ADPGK: variants seen among roughly 807,000 people sequenced by gnomAD.
The protein encoded by ADPGK is ADP-dependent glucokinase.
In ADPGK, 26 loss-of-function variants were observed where a neutral mutation model predicts 42.4. The ratio of observed to expected loss-of-function variants is 0.61; its 90% CI spans 0.45 to 0.85. The LOEUF is 0.85. Ranked by LOEUF, ADPGK falls within the 40% of genes least tolerant of loss-of-function variation. The pLI is 0.00. For missense variants in ADPGK, 571 were observed against 627.0 expected (o/e 0.91, Z 0.95); for synonymous variants, 267 against 252.6 (o/e 1.06, Z -0.54).
At chr15:72,768,037 C>G (rs1340220616) in intron 3 of ADPGK, among the ~76,000 whole-genome samples, 3 of 151,446 alleles carry the variant, frequency 2.0e-5, no homozygotes, top group African/African-American at 7.3e-5. Context: ...CCAAGCTGAT[C>G]AGGAAAAAAA....
intron 3 of ADPGK, among the ~76,000 whole-genome samples, chr15:72,766,838 T>C (rs965135697): frequency 2.0e-5 from 3 of 151,700 alleles, no homozygotes; most frequent in African/African-American, 4.8e-5. Flanking sequence ...AATGAAATCA[T>C]AGAAAATAAT....
chr15:72,767,865 T>C (rs2066279349), intron 3 of ADPGK, among the ~76,000 whole-genome samples: 1 of 151,906 alleles, frequency 6.6e-6, no homozygotes, highest in Non-Finnish European at 1.5e-5. Context: ...ACAGGAAAGG[T>C]CTCAAATCAA....
At chr15:72,765,330 G>A (rs12439473) in intron 3 of ADPGK, among the ~76,000 whole-genome samples, 27,258 of 151,902 alleles carry the variant, frequency 0.18, 2,782 homozygotes, top group African/African-American at 0.28. Context: ...TGTATTTTTA[G>A]TAGAGACGGG....
rs571644327 is a variant in ADPGK at position 72,760,482 on chromosome 15, C to G, written c.568G>C (p.Asp190His). 1 of 1,610,354 alleles carries G rather than the reference C, an allele frequency of 6.2e-7. No homozygotes were observed. The highest frequency in any genetic ancestry group is 2.2e-5 in the East Asian group (1 of 44,668). ...PVGPKLHELL[D>H]DNVFVPPESL... ...TCTGGTGGAACAAAGACATTGTCAT[C>G]AAGAAGCTCATGTAGCTTTGGACCA... Residue 190 changes from aspartate (D) to histidine (H), a missense_variant, in exon 4 of 7, where the codon GAT (aspartate) becomes CAT (histidine). Asp to His is a moderately conservative substitution (Grantham distance 81). Coordinates refer to ENST00000456471, the MANE Select transcript of ADPGK (RefSeq NM_001365225.1).
At chr15:72,764,488 A>G (rs149262776) in intron 3 of ADPGK, among the ~76,000 whole-genome samples, 61 of 152,308 alleles carry the variant, frequency 4.0e-4, no homozygotes, top group African/African-American at 1.4e-3. Context: ...TGCAAAAGAA[A>G]AGTCAGAAGC....
Position 72,752,336 on chromosome 15 carries a change from T to C in ADPGK, c.*5A>G. The C allele has an allele frequency of 6.3e-7, 1 of 1,592,890 alleles. No individual in the cohort carries two copies. Among genetic ancestry groups the C allele is most frequent in the Non-Finnish European group, 8.6e-7 (1 of 1,166,112 alleles). The stretch of plus-strand genomic sequence containing the variant: ...TCCTCAGAAAAATTACCCCTAAGAA[T>C]CTTCCTAATAGTGAGGGTGTACTTC... On this transcript the variant is annotated 3_prime_UTR_variant, in exon 7 of 7. Transcript: ENST00000456471.
Position 72,774,948 on chromosome 15 carries a change from GCTGCTCC to G in ADPGK, c.376_382del (p.Gly126LeufsTer29), listed in dbSNP as rs1156717115. 6.2e-7 allele frequency: 1 copy of G among 1,614,202 alleles called. No homozygotes were observed. Among genetic ancestry groups the G allele is most frequent in the Admixed American group, 1.7e-5 (1 of 60,026 alleles). ...CTTATCACTGAAGAAGCGCTCAGCA[GCTGCTCC>G]CTTCCCCATGAAGTGAATGAAGGCT... On this transcript the variant is annotated frameshift_variant, in exon 2 of 7. Coordinates refer to ENST00000456471, the MANE Select transcript of ADPGK (RefSeq NM_001365225.1). LOFTEE classifies it high-confidence loss of function.
At chr15:72,756,540 T>A in intron 4 of ADPGK, 93 bp from the exon 5 acceptor site, 1 of 1,369,302 alleles carries the variant, frequency 7.3e-7, no homozygotes, top group Non-Finnish European at 1.0e-6. Flanking sequence ...ACAGGAGCCT[T>A]GGCTCCAAGC....
rs751173710 is a variant in ADPGK, at chr15:72,780,912, G to A, written c.233+2547C>T. 7.0e-4 allele frequency among the ~76,000 whole-genome samples: 106 copies of A among 152,132 alleles called. 1 individual carries two copies. The highest frequency in any genetic ancestry group is 1.0e-3 in the Non-Finnish European group (70 of 68,014). ...ATCTCACCTCTTCTACATCATTGCC[G>A]AGTTTGGTTCGGGCTCCTTTCTCCC... On this transcript the variant is annotated intron_variant, in intron 1 of 6. Coordinates refer to ENST00000456471, the MANE Select transcript of ADPGK (RefSeq NM_001365225.1).
chr15:72,770,747 T>C (rs1329815181), intron 3 of ADPGK, among the ~76,000 whole-genome samples: 2 of 152,360 alleles, frequency 1.3e-5, no homozygotes, highest in East Asian at 3.9e-4. Context: ...AATATGAATG[T>C]TCACATTTTA....
intron 3 of ADPGK, among the ~76,000 whole-genome samples, chr15:72,765,448 C>T (rs1269317505): frequency 6.6e-6 from 1 of 152,178 alleles, no homozygotes; most frequent in African/African-American, 2.4e-5. Flanking sequence ...CTGCACCTGG[C>T]TGGAATTTTG....
intron 4 of ADPGK, among the ~76,000 whole-genome samples, chr15:72,758,886 C>T (rs1436729158): frequency 4.6e-5 from 7 of 152,212 alleles, no homozygotes; most frequent in Admixed American, 4.6e-4. Flanking sequence ...AGGGGCTCAT[C>T]TTTAGCAATT....
At chr15:72,756,121 C>T in intron 5 of ADPGK, 130 bp downstream of exon 5, 1 of 1,159,368 alleles carries the variant, frequency 8.6e-7, no homozygotes, top group East Asian at 2.4e-5. Context: ...GAGGCAAGCT[C>T]CACAGCCAGC....
chr15:72,752,705 G>A lies in ADPGK; in HGVS notation c.1130C>T (p.Thr377Ile). The A allele has an allele frequency of 6.2e-7, 1 of 1,614,200 alleles. No homozygotes were observed. The change falls in exon 7 of 7, where the codon ACC becomes ATC. Residue 377 changes from threonine (T) to isoleucine (I), a missense_variant. Physicochemically the swap from Thr to Ile is moderately conservative, Grantham distance 89. Coordinates refer to ENST00000456471, the MANE Select transcript of ADPGK (RefSeq NM_001365225.1). ...GACCAGCGTGTGGAAATGGATCCTG[G>A]TGAGATCCGAGGCTCTGCTTTTACT... is the stretch of plus-strand genomic sequence containing the variant. ...GRSKSRASDL[T>I]RIHFHTLVYH...
At position 72,752,068 on chromosome 15, in the gene ADPGK, C is replaced by T. The variant is rs2066052518; in HGVS notation, c.*273G>A. On this transcript the variant is annotated 3_prime_UTR_variant, in exon 7 of 7. Coordinates refer to ENST00000456471, the MANE Select transcript of ADPGK (RefSeq NM_001365225.1). ...TGCTCTCAGGGGTGAAGAAGTTTAG[C>T]TTAAAATACCTGATGGCGCTGCATA... The T allele has an allele frequency of 2.4e-6, 1 of 415,922 alleles. No homozygotes were observed. Among genetic ancestry groups the T allele is most frequent in the Middle Eastern group, 6.9e-4 (1 of 1,446 alleles). 25.8% of individuals were successfully genotyped at this position (415,922 alleles called of 1,614,324 possible). A position where few individuals can be genotyped will look rare whatever the true frequency, so the allele number is the denominator to read the frequency against.
rs201565228 is a variant in ADPGK at position 72,760,509 on chromosome 15, C to G, written c.541G>C (p.Val181Leu). The G allele has an allele frequency of 1.2e-6, 2 of 1,605,688 alleles. No homozygotes were observed. The highest frequency in any genetic ancestry group is 1.7e-6 in the Non-Finnish European group (2 of 1,173,420). ...SDLKVLLCGPVGPKLHELLDD... is the reference protein window; with the variant it reads ...SDLKVLLCGPLGPKLHELLDD... Reference sequence around the variant, plus strand: ...AGAAGCTCATGTAGCTTTGGACCAACTGGACCGCAAAGAAGAACCTGGAGG... The same window carrying G: ...AGAAGCTCATGTAGCTTTGGACCAAGTGGACCGCAAAGAAGAACCTGGAGG... The change falls in exon 4 of 7, where the codon GTT (valine) becomes CTT (leucine). Residue 181 changes from valine to leucine, a missense_variant. Around this residue, in one of 2 missense-constraint regions of ADPGK, gnomAD observed 434 missense variants for 522.7 expected, o/e 0.83. Transcript: ENST00000456471.
At chr15:72,765,705 A>G (rs974185929) in intron 3 of ADPGK, among the ~76,000 whole-genome samples, 5 of 152,208 alleles carry the variant, frequency 3.3e-5, no homozygotes, top group Non-Finnish European at 7.4e-5. Context: ...AACTGCAGTA[A>G]CTGCAGATGT....
intron 6 of ADPGK, among the ~76,000 whole-genome samples, chr15:72,755,151 G>A (rs1035338879): frequency 5.3e-5 from 8 of 152,320 alleles, no homozygotes; most frequent in African/African-American, 1.9e-4. Context: ...ATTTATACTA[G>A]TCAATGCTGC....
chr15:72,758,938 TTTA>T (rs954811071), intron 4 of ADPGK, among the ~76,000 whole-genome samples: 1 of 152,158 alleles, frequency 6.6e-6, no homozygotes, highest in African/African-American at 2.4e-5. Context: ...CTTTTATTTA[TTTA>T]TTATTATTAT....
Sources: allele counts gnomAD v4.1 joint callset (sites outside exome capture counted in the v4.1 genomes callset), GRCh38; gene constraint gnomAD v4.1.1; regional missense constraint gnomAD v4.1.1; transcripts MANE v1.5; gene names NCBI Gene and HGNC (gene_info 2026-07-23, HGNC 2026-07-21).